The following MMP26 variants were observed in gnomAD, a reference collection of about 807,000 sequenced individuals.
MMP26 encodes matrix metallopeptidase 26, also known as matrix metalloproteinase-26.
MMP26 carries 33 observed loss-of-function variants against 31.0 expected under a neutral mutation model. The observed-to-expected ratio is 1.06, with a 90% CI of 0.81 to 1.42. MMP26 has a LOEUF of 1.42. Among genes scored for constraint, MMP26 ranks in the 40% most tolerant of loss-of-function variants. MMP26 has a pLI of 0.00. For missense variants in MMP26, 347 were observed against 316.1 expected (o/e 1.10, Z -0.74); for synonymous variants, 122 against 114.9 (o/e 1.06, Z -0.40).
intron 1 of MMP26, among the ~76,000 whole-genome samples, chr11:4,751,693 A>AAT (rs1244898072): frequency 6.6e-6 from 1 of 152,128 alleles, no homozygotes; most frequent in African/African-American, 2.4e-5. Context: ...ATAAAAATAA[A>AAT]ATATATATTT....
At chr11:4,753,560 C>G (rs1471880427) in intron 1 of MMP26, among the ~76,000 whole-genome samples, 2 of 151,998 alleles carry the variant, frequency 1.3e-5, no homozygotes, top group African/African-American at 4.8e-5. Flanking sequence ...ATGCATTTGT[C>G]ACTTGATTTT....
chr11:4,729,614 T>C (rs1251335689), intron 1 of MMP26, among the ~76,000 whole-genome samples: 3 of 152,020 alleles, frequency 2.0e-5, no homozygotes, highest in Non-Finnish European at 2.9e-5. Flanking sequence ...CAGAGTAAAA[T>C]AGGGGAAATA....
intron 2 of MMP26, among the ~76,000 whole-genome samples, chr11:4,795,721 A>G (rs1187924428): frequency 6.6e-6 from 1 of 152,212 alleles, no homozygotes; most frequent in Admixed American, 6.5e-5. Context: ...TTACTTTATT[A>G]TGCCTGTGGG....
intron 1 of MMP26, among the ~76,000 whole-genome samples, chr11:4,754,719 T>C (rs1444353931): frequency 6.6e-6 from 1 of 152,036 alleles, no homozygotes; most frequent in Non-Finnish European, 1.5e-5. Flanking sequence ...ATGTTGTCTA[T>C]TTCTGTATAC....
intron 1 of MMP26, chr11:4,723,451 A>C (rs1208442526): frequency 9.5e-7 from 1 of 1,047,680 alleles, no homozygotes; most frequent in South Asian, 1.3e-5. Flanking sequence ...CATGGACAGC[A>C]CCACAGATGT....
At chr11:4,709,603 C>A (rs1237373103) in intron 1 of MMP26, 2 of 455,884 alleles carry the variant, frequency 4.4e-6, no homozygotes, top group African/African-American at 4.0e-5. Context: ...TTCCACCCTG[C>A]AGTCTTCTTC....
intron 2 of MMP26, among the ~76,000 whole-genome samples, chr11:4,771,211 A>G (rs555653923): frequency 8.5e-5 from 13 of 152,312 alleles, no homozygotes; most frequent in African/African-American, 3.1e-4. Flanking sequence ...AATTTAAAAT[A>G]TAGAATGTGA....
At chr11:4,793,974 A>G (rs1405786444) in intron 2 of MMP26, 1 of 152,196 alleles carries the variant, frequency 6.6e-6, no homozygotes, top group Non-Finnish European at 1.5e-5. Context: ...GGTGACACAA[A>G]TGTGGAAGGC....
At chr11:4,805,192 T>G (rs1487108175) in intron 2 of MMP26, among the ~76,000 whole-genome samples, 2 of 152,190 alleles carry the variant, frequency 1.3e-5, no homozygotes, top group Non-Finnish European at 2.9e-5. Context: ...CTATAGCAAT[T>G]TATGTATTGC....
chr11:4,734,579 C>A (rs4910670), intron 1 of MMP26, among the ~76,000 whole-genome samples: 12,696 of 152,058 alleles, frequency 0.083, 689 homozygotes, highest in Non-Finnish European at 0.12. Flanking sequence ...TGGTACGCGG[C>A]GTCTTCACTT....
At chr11:4,840,003 C>T (rs947459488) in intron 2 of MMP26, among the ~76,000 whole-genome samples, 5 of 152,092 alleles carry the variant, frequency 3.3e-5, no homozygotes, top group Admixed American at 6.5e-5. Context: ...CTTAAGAGCC[C>T]TTGGGCCTTA....
chr11:4,926,542 T>C (rs921163475), intron 2 of MMP26, among the ~76,000 whole-genome samples: 1 of 152,238 alleles, frequency 6.6e-6, no homozygotes, highest in Non-Finnish European at 1.5e-5. Context: ...GCTGGTTTGA[T>C]TCTATCTTAC....
At chr11:4,794,514 G>A (rs564330524) in intron 2 of MMP26, among the ~76,000 whole-genome samples, 10 of 152,176 alleles carry the variant, frequency 6.6e-5, no homozygotes, top group Non-Finnish European at 1.0e-4. Flanking sequence ...TTTATTGGTC[G>A]TTGGGTTGGA....
chr11:4,805,528 A>G (rs184555729), intron 2 of MMP26, among the ~76,000 whole-genome samples: 3 of 152,308 alleles, frequency 2.0e-5, no homozygotes, highest in Admixed American at 1.3e-4. Flanking sequence ...TTTCCAGGCT[A>G]TAGTTTGCCA....
chr11:4,815,154 GGTAGAGAA>G (rs1849404362), intron 2 of MMP26, among the ~76,000 whole-genome samples: 1 of 152,130 alleles, frequency 6.6e-6, no homozygotes, highest in South Asian at 2.1e-4. Flanking sequence ...TGAGGGGGTG[GGTAGAGAA>G]GTAGTCACTT....
chr11:4,847,489 T>A (rs1287531590), intron 2 of MMP26: 1 of 152,252 alleles, frequency 6.6e-6, no homozygotes, highest in Non-Finnish European at 1.5e-5. Flanking sequence ...TATTTTAAAC[T>A]GACAATAATT....
At chr11:4,802,753 G>C (rs527772289) in intron 2 of MMP26, among the ~76,000 whole-genome samples, 1 of 151,844 alleles carries the variant, frequency 6.6e-6, no homozygotes, top group Non-Finnish European at 1.5e-5. Context: ...CTTTCTTTAC[G>C]TACGTATTCC....
intron 2 of MMP26, among the ~76,000 whole-genome samples, chr11:4,802,760 T>C (rs567525701): frequency 1.2e-4 from 18 of 152,312 alleles, no homozygotes; most frequent in Non-Finnish European, 2.2e-4. Flanking sequence ...TACGTACGTA[T>C]TCCAGTATAG....
intron 2 of MMP26, chr11:4,944,748 AG>A (rs1214937884): frequency 6.6e-6 from 1 of 152,170 alleles, no homozygotes; most frequent in Non-Finnish European, 1.5e-5. Context: ...CACAAATCCA[AG>A]GCAATAAATT....
Sources: allele counts gnomAD v4.1 joint callset (sites outside exome capture counted in the v4.1 genomes callset), GRCh38; gene constraint gnomAD v4.1.1; transcripts MANE v1.5; gene names NCBI Gene and HGNC (gene_info 2026-07-23, HGNC 2026-07-21).